Variants in SEMA6D observed in about 807,000 individuals in gnomAD.
SEMA6D encodes the protein semaphorin-6D.
A neutral mutation model predicts 106.6 loss-of-function variants in SEMA6D; 35 were observed. The observed-to-expected ratio is 0.33, with a 90% CI of 0.25 to 0.44. The LOEUF is 0.44. SEMA6D is among the 20% of genes least tolerant of loss of function. The pLI is 1.00. For missense variants in SEMA6D, 1,185 were observed against 1,345.9 expected (o/e 0.88, Z 1.87); for synonymous variants, 499 against 487.7 (o/e 1.02, Z -0.31).
At chr15:47,762,129 A>T in intron 7 of SEMA6D, 71 bp from the exon 8 acceptor site, 1 of 1,583,964 alleles carries the variant, frequency 6.3e-7, no homozygotes, top group Non-Finnish European at 8.6e-7. Flanking sequence ...AAAGGGCATA[A>T]CACGCTGCCA....
chr15:47,352,027 T>G (rs750229731), intron 1 of SEMA6D, among the ~76,000 whole-genome samples: 3 of 152,034 alleles, frequency 2.0e-5, no homozygotes, highest in Non-Finnish European at 4.4e-5. Context: ...GCTGAAGGAG[T>G]AAATGCCTTT....
At chr15:47,662,888 C>CACACACA in intron 4 of SEMA6D, among the ~76,000 whole-genome samples, 1 of 151,014 alleles carries the variant, frequency 6.6e-6, no homozygotes, top group African/African-American at 2.4e-5. Flanking sequence ...CACACACACA[C>CACACACA]CATGAATCAT....
intron 1 of SEMA6D, among the ~76,000 whole-genome samples, chr15:47,271,951 A>T (rs1462847793): frequency 6.6e-6 from 1 of 152,068 alleles, no homozygotes; most frequent in Non-Finnish European, 1.5e-5. Flanking sequence ...TCTTTCCAGG[A>T]TGTATTTTGG....
At chr15:47,738,345 G>T (rs942516278) in intron 1 of SEMA6D, among the ~76,000 whole-genome samples, 2 of 152,102 alleles carry the variant, frequency 1.3e-5, no homozygotes, top group Non-Finnish European at 2.9e-5. Context: ...CCTTTGTATG[G>T]CTGCATAGTA....
intron 1 of SEMA6D, among the ~76,000 whole-genome samples, chr15:47,194,341 C>T (rs1894183670): frequency 6.6e-6 from 1 of 151,966 alleles, no homozygotes; most frequent in Non-Finnish European, 1.5e-5. Context: ...AACACCGGTG[C>T]ATTTTGAAAG....
intron 3 of SEMA6D, among the ~76,000 whole-genome samples, chr15:47,584,527 G>A (rs1481556602): frequency 2.0e-5 from 3 of 152,088 alleles, no homozygotes; most frequent in East Asian, 3.9e-4. Context: ...CCCTGGCATA[G>A]CATCTCATGC....
chr15:47,302,011 G>A (rs1766163779), intron 1 of SEMA6D, among the ~76,000 whole-genome samples: 1 of 152,148 alleles, frequency 6.6e-6, no homozygotes, highest in African/African-American at 2.4e-5. Context: ...CACAAAAACA[G>A]CAACAACAGT....
At chr15:47,474,550 T>C (rs193195696) in intron 3 of SEMA6D, among the ~76,000 whole-genome samples, 12 of 152,334 alleles carry the variant, frequency 7.9e-5, no homozygotes, top group African/African-American at 2.9e-4. Context: ...ATATGATTCT[T>C]CTCAAAGCGT....
At chr15:47,398,982 C>T (rs529498537) in intron 1 of SEMA6D, among the ~76,000 whole-genome samples, 1 of 152,300 alleles carries the variant, frequency 6.6e-6, no homozygotes, top group Non-Finnish European at 1.5e-5. Context: ...GAATACATTA[C>T]TGAAATACTG....
chr15:47,331,686 CTT>C (rs1323515126), intron 1 of SEMA6D, among the ~76,000 whole-genome samples: 2 of 152,086 alleles, frequency 1.3e-5, no homozygotes, highest in East Asian at 3.9e-4. Context: ...TTATTATCCT[CTT>C]TATACTTTTC....
At chr15:47,448,224 A>G (rs1374213288) in intron 2 of SEMA6D, among the ~76,000 whole-genome samples, 1 of 152,024 alleles carries the variant, frequency 6.6e-6, no homozygotes, top group Non-Finnish European at 1.5e-5. Context: ...TATTAATGCA[A>G]TTGTACCACG....
At chr15:47,722,887 A>T (rs2079507428) in intron 1 of SEMA6D, among the ~76,000 whole-genome samples, 1 of 152,198 alleles carries the variant, frequency 6.6e-6, no homozygotes, top group Non-Finnish European at 1.5e-5. Flanking sequence ...CAGCTCTGTA[A>T]GGTGAATTCT....
At chr15:47,311,120 G>A (rs186717018) in intron 1 of SEMA6D, among the ~76,000 whole-genome samples, 135 of 152,326 alleles carry the variant, frequency 8.9e-4, no homozygotes, top group South Asian at 1.2e-3. Flanking sequence ...AACAGAACGT[G>A]AGACAGATCA....
intron 1 of SEMA6D, among the ~76,000 whole-genome samples, chr15:47,291,160 A>G (rs2035578742): frequency 6.6e-6 from 1 of 152,240 alleles, no homozygotes; most frequent in Admixed American, 6.5e-5. Flanking sequence ...CCCGAAGTCT[A>G]AGATGGAAAC....
At chr15:47,478,398 A>T (rs2043057665) in intron 3 of SEMA6D, among the ~76,000 whole-genome samples, 1 of 152,212 alleles carries the variant, frequency 6.6e-6, no homozygotes, top group South Asian at 2.1e-4. Flanking sequence ...GCAAGCAGAC[A>T]ATTAACTTGT....
At chr15:47,439,977 C>T (rs1487792713) in intron 2 of SEMA6D, among the ~76,000 whole-genome samples, 1 of 152,066 alleles carries the variant, frequency 6.6e-6, no homozygotes, top group Admixed American at 6.6e-5. Context: ...AAATGTCAGC[C>T]TCCAACATTT....
intron 8 of SEMA6D, 132 bp from the exon 9 acceptor site, chr15:47,762,884 T>A: frequency 1.5e-6 from 1 of 650,518 alleles, no homozygotes; most frequent in South Asian, 2.0e-5. Context: ...CTCCTCAAAG[T>A]CATTGGCAGA....
intron 4 of SEMA6D, among the ~76,000 whole-genome samples, chr15:47,705,075 C>T (rs529916545): frequency 2.0e-4 from 31 of 152,206 alleles, no homozygotes; most frequent in African/African-American, 7.0e-4. Flanking sequence ...CCTAAGCACT[C>T]GGGATAAATA....
chr15:47,296,174 T>C (rs2142924360), intron 1 of SEMA6D, among the ~76,000 whole-genome samples: 1 of 152,296 alleles, frequency 6.6e-6, no homozygotes, highest in African/African-American at 2.4e-5. Context: ...CTTTACCTGG[T>C]TGTTTATGTG....
Sources: gnomAD v4.1 joint callset for allele counts (sites outside exome capture counted in the v4.1 genomes callset) on GRCh38, gnomAD v4.1.1 for gene constraint, MANE v1.5 for transcripts, NCBI Gene and HGNC (gene_info 2026-07-23, HGNC 2026-07-21) for gene names.